Variants in DMD observed in about 807,000 individuals in gnomAD.
The protein encoded by DMD is dystrophin, also known as mutant dystrophin.
A neutral mutation model predicts 330.1 loss-of-function variants in DMD; 63 were observed. That is an observed-to-expected ratio of 0.19 (90% CI 0.16 to 0.24). DMD has a LOEUF of 0.24. Ranked by LOEUF, DMD falls within the 10% of genes least tolerant of loss-of-function variation. DMD has a pLI of 1.00. For synonymous variants in DMD, 1,223 were observed against 959.8 expected (o/e 1.27, Z -5.07); for missense variants, 3,344 against 2,684.1 (o/e 1.25, Z -5.43).
chrX:32,419,666 C>A (rs2098181665), intron 29 of DMD, among the ~76,000 whole-genome samples: 1 of 112,194 alleles, frequency 8.9e-6, no homozygotes, highest in Non-Finnish European at 1.9e-5. Flanking sequence ...AAGCCGTGAG[C>A]ATGGAGCTCC....
chrX:33,149,048 G>C (rs1051693265), intron 1 of DMD, among the ~76,000 whole-genome samples: 37 of 110,485 alleles, frequency 3.3e-4, no homozygotes, highest in African/African-American at 1.2e-3. Flanking sequence ...GGGTTAGTGG[G>C]GGGGAGGTGA....
At chrX:32,084,942 G>A (rs1472466600) in intron 44 of DMD, among the ~76,000 whole-genome samples, 2 of 111,213 alleles carry the variant, frequency 1.8e-5, no homozygotes, top group Non-Finnish European at 3.8e-5. Flanking sequence ...ACGAAACCTG[G>A]CCCCGGGCTC....
intron 60 of DMD, among the ~76,000 whole-genome samples, chrX:31,400,589 G>A (rs1041193860): frequency 1.8e-5 from 2 of 112,023 alleles, no homozygotes; most frequent in African/African-American, 3.2e-5. Flanking sequence ...AATTCTTGCA[G>A]AGGAAGATAA....
chrX:32,863,031 C>T (rs1015416844), intron 2 of DMD, among the ~76,000 whole-genome samples: 10 of 110,830 alleles, frequency 9.0e-5, no homozygotes, highest in African/African-American at 3.0e-4. Context: ...AGCCACTGCA[C>T]CAGGCCTAAA....
intron 2 of DMD, among the ~76,000 whole-genome samples, chrX:32,980,365 T>C (rs1337015346): frequency 5.4e-5 from 2 of 37,168 alleles, no homozygotes; most frequent in Non-Finnish European, 8.0e-5. Context: ...CCAGACTCTG[T>C]CTCAAAAAAA....
intron 2 of DMD, among the ~76,000 whole-genome samples, chrX:32,903,860 C>T (rs1395192849): frequency 9.0e-6 from 1 of 111,209 alleles, no homozygotes; most frequent in Non-Finnish European, 1.9e-5. Flanking sequence ...GACTGGAACA[C>T]GAGAAGCAAG....
chrX:31,227,937 AT>A (rs2046787890), intron 63 of DMD, among the ~76,000 whole-genome samples: 1 of 109,664 alleles, frequency 9.1e-6, no homozygotes, highest in South Asian at 4.1e-4. Context: ...ATAAAAAAGG[AT>A]GAGTTCATGT....
chrX:33,203,851 C>T (rs1272196810), intron 1 of DMD, among the ~76,000 whole-genome samples: 1 of 111,053 alleles, frequency 9.0e-6, no homozygotes, highest in Non-Finnish European at 1.9e-5. Context: ...AACACCTTAG[C>T]ATCCACACCC....
At chrX:33,206,627 G>A (rs2051587211) in intron 1 of DMD, among the ~76,000 whole-genome samples, 1 of 111,887 alleles carries the variant, frequency 8.9e-6, no homozygotes, top group Admixed American at 9.5e-5. Flanking sequence ...CACCTTCAGA[G>A]GTTGTAGGCC....
intron 50 of DMD, among the ~76,000 whole-genome samples, chrX:31,777,477 T>A (rs1245245119): frequency 4.6e-5 from 5 of 109,519 alleles, no homozygotes; most frequent in African/African-American, 1.7e-4. Flanking sequence ...CTCTATAATT[T>A]TTTTTTTTTT....
chrX:31,420,067 G>A (rs1037973193), intron 60 of DMD, among the ~76,000 whole-genome samples: 2 of 111,740 alleles, frequency 1.8e-5, no homozygotes, highest in Non-Finnish European at 3.8e-5. Context: ...TTGACTGCCT[G>A]TTGGCAAAAA....
At chrX:32,983,679 GA>G (rs971810062) in intron 2 of DMD, among the ~76,000 whole-genome samples, 1 of 110,488 alleles carries the variant, frequency 9.1e-6, no homozygotes, top group African/African-American at 3.3e-5. Flanking sequence ...TAACTTTAGG[GA>G]AAAAATGGTA....
intron 44 of DMD, among the ~76,000 whole-genome samples, chrX:32,061,183 G>C (rs151246104): frequency 9.0e-6 from 1 of 110,930 alleles, no homozygotes; most frequent in Admixed American, 9.6e-5. Flanking sequence ...AGTTGTTTAT[G>C]GATACCTCAA....
chrX:31,765,023 T>C (rs1362945429), intron 51 of DMD, among the ~76,000 whole-genome samples: 2 of 108,239 alleles, frequency 1.8e-5, no homozygotes, highest in African/African-American at 6.7e-5. Context: ...TCTTTAAAAA[T>C]CATAAAAGCA....
chrX:31,247,600 CAAA>C (rs61281481), intron 63 of DMD, among the ~76,000 whole-genome samples: 2,788 of 74,243 alleles, frequency 0.038, 106 homozygotes, highest in African/African-American at 0.11. Context: ...GACTGTGTCT[CAAA>C]AAAAAAAAAA....
At chrX:31,774,344 T>C (rs1335491207) in intron 50 of DMD, 152 bp from the exon 51 acceptor site, 6 of 448,841 alleles carry the variant, frequency 1.3e-5, no homozygotes, top group Non-Finnish European at 2.3e-5. Context: ...TTATATATCT[T>C]TTTCTAACAA....
intron 17 of DMD, among the ~76,000 whole-genome samples, chrX:32,529,379 CTTTTTTTTTTTTTTTTTTTT>C (rs777955346): frequency 3.2e-4 from 10 of 31,063 alleles, no homozygotes; most frequent in Middle Eastern, 0.04. Flanking sequence ...CAAAAATCAA[CTTTTTTTTTTTTTTTTTTTT>C]TTTTTTTTTT....
rs181557424 is a variant in DMD at position 33,114,501 on chromosome X, T to C, written c.32-94301A>G. 5.4e-5 allele frequency among the ~76,000 whole-genome samples: 6 copies of C among 111,662 alleles called. No individual in the cohort carries two copies. In the East Asian group the frequency reaches 1.1e-3, roughly 21 times the overall value. On this transcript the variant is annotated intron_variant, in intron 1 of 78. Transcript: ENST00000357033. ...AACACTTTAGTAAATCCACATTTTG[T>C]ATTTCCATTTATAGTAACCTCTAGT...
chrX:31,988,455 C>T (rs1221306306), intron 44 of DMD, among the ~76,000 whole-genome samples: 5 of 65,363 alleles, frequency 7.6e-5, no homozygotes, highest in Non-Finnish European at 1.3e-4. Context: ...GCCTGGGCAA[C>T]AGAGTGAGAC....
Sources: allele counts gnomAD v4.1 joint callset (sites outside exome capture counted in the v4.1 genomes callset), GRCh38; gene constraint gnomAD v4.1.1; transcripts MANE v1.5; gene names NCBI Gene and HGNC (gene_info 2026-07-23, HGNC 2026-07-21).